Variants in PTBP3 observed in about 807,000 individuals in gnomAD.
PTBP3 encodes polypyrimidine tract binding protein 3.
PTBP3 carries 20 observed loss-of-function variants against 58.7 expected under a neutral mutation model. The observed-to-expected ratio is 0.34, with a 90% CI of 0.24 to 0.50. The LOEUF (loss-of-function observed/expected upper bound fraction) is 0.50, where lower values mean the gene tolerates loss of function less well. Among genes scored for constraint, PTBP3 ranks in the 20% least tolerant of loss-of-function variants. PTBP3 has a pLI of 0.98. For synonymous variants in PTBP3, 185 were observed against 219.8 expected (o/e 0.84, Z 1.40); for missense variants, 509 against 637.2 (o/e 0.80, Z 2.17).
the PTBP3 span, among the ~76,000 whole-genome samples, chr9:112,350,880 C>G: frequency 1.3e-5 from 2 of 152,142 alleles, no homozygotes; most frequent in Non-Finnish European, 1.5e-5. Flanking sequence ...CTCACTGCAA[C>G]CTCCGCCTCC....
intron 1 of PTBP3, chr9:112,333,094 G>A: frequency 7.9e-7 from 1 of 1,265,750 alleles, no homozygotes; most frequent in Non-Finnish European, 9.9e-7. Context: ...CTCCCCCAGC[G>A]CCGCGCACCA....
At chr9:112,332,865 G>A (rs775640299) in intron 1 of PTBP3, 3 of 1,609,622 alleles carry the variant, frequency 1.9e-6, no homozygotes, top group South Asian at 2.2e-5. Context: ...CCAGACCCCT[G>A]GTGTCGAGAA....
chr9:112,262,471 G>A lies in PTBP3; in HGVS notation c.480C>T (p.Asn160=). 1 of 1,609,754 alleles carries A rather than the reference G, an allele frequency of 6.2e-7. No homozygotes were observed. Among genetic ancestry groups the A allele is most frequent in the South Asian group, 1.1e-5 (1 of 90,018 alleles). Residue 160 remains asparagine (N), a synonymous_variant, in exon 5 of 14, where the codon AAC becomes AAT. Transcript: ENST00000374257. ...QSPVLRIIIE[N]LFYPVTLEVL... ...CTTCCAGGGTAACAGGGTAAAAGAG[G>A]TTTTCAATAATTATTCGAAGCACAG...
chr9:112,280,492 A>G (rs1827808448), intron 2 of PTBP3, among the ~76,000 whole-genome samples: 1 of 152,198 alleles, frequency 6.6e-6, no homozygotes, highest in Non-Finnish European at 1.5e-5. Context: ...ATTATCTTAC[A>G]CTATTGAATA....
the PTBP3 span, among the ~76,000 whole-genome samples, chr9:112,351,206 A>G: frequency 6.6e-6 from 1 of 152,334 alleles, no homozygotes; most frequent in South Asian, 2.1e-4. Context: ...ACATTAAGCT[A>G]TCATGTCCTC....
chr9:112,297,720 C>T, intron 2 of PTBP3, 112 bp downstream of exon 2: 1 of 829,850 alleles, frequency 1.2e-6, no homozygotes, highest in Non-Finnish European at 1.8e-6. Flanking sequence ...CAAATTTTAG[C>T]TTTTGTTATG....
chr9:112,324,647 C>CT (rs199638020), intron 1 of PTBP3, among the ~76,000 whole-genome samples: 1,746 of 131,974 alleles, frequency 0.013, 41 homozygotes, highest in African/African-American at 0.043. Context: ...GAGACTACCT[C>CT]TTTTTTTTTT....
In PTBP3 at chr9:112,222,566, C is replaced by T; in HGVS notation, c.*1285G>A. The T allele has an allele frequency of 1.0e-6, 1 of 985,676 alleles. No individual in the cohort carries two copies. The highest frequency in any genetic ancestry group is 1.2e-6 in the Non-Finnish European group (1 of 829,840). 61.1% of individuals were successfully genotyped at this position (985,676 alleles called of 1,614,324 possible). On this transcript the variant is annotated 3_prime_UTR_variant, in exon 14 of 14. Transcript: ENST00000374257. ...ATGTAAAGAGGCCTACAGGTGTGCA[C>T]TGAATTATTCCCAAAACCATTCACC...
chr9:112,295,613 A>AG (rs1421155757), intron 2 of PTBP3, among the ~76,000 whole-genome samples: 9 of 151,428 alleles, frequency 5.9e-5, no homozygotes, highest in African/African-American at 2.2e-4. Context: ...AAAAAAAAAA[A>AG]AAAAAAAAAA....
intron 7 of PTBP3, among the ~76,000 whole-genome samples, chr9:112,249,388 TAGAAACTGTAAAG>T (rs1836013098): frequency 6.6e-6 from 1 of 152,048 alleles, no homozygotes. Flanking sequence ...GACTCAGCCC[TAGAAACTGTAAAG>T]AGAAACCTTT....
At chr9:112,376,198 C>CGT in the PTBP3 span, among the ~76,000 whole-genome samples, 185 of 4,088 alleles carry the variant, frequency 0.045, 3 homozygotes, top group Non-Finnish European at 0.14. Flanking sequence ...TCCTTATATA[C>CGT]GTGTGTGTGT....
chr9:112,278,450 T>C (rs1396675736), intron 2 of PTBP3, among the ~76,000 whole-genome samples: 1 of 152,166 alleles, frequency 6.6e-6, no homozygotes, highest in Non-Finnish European at 1.5e-5. Flanking sequence ...AGAAACTTTC[T>C]AAAGGCATGA....
intron 4 of PTBP3, among the ~76,000 whole-genome samples, chr9:112,267,108 G>C (rs970225922): frequency 6.6e-6 from 1 of 151,212 alleles, no homozygotes; most frequent in African/African-American, 2.4e-5. Context: ...TCTTTGCCTA[G>C]AGCAAGAATA....
the PTBP3 span, among the ~76,000 whole-genome samples, chr9:112,350,811 T>C: frequency 1.3e-5 from 2 of 152,222 alleles, no homozygotes; most frequent in East Asian, 3.8e-4. Flanking sequence ...TTTTTTCTTT[T>C]TTCCTAAGAC....
At chr9:112,250,522 A>G (rs1359173453) in intron 7 of PTBP3, among the ~76,000 whole-genome samples, 1 of 152,202 alleles carries the variant, frequency 6.6e-6, no homozygotes, top group African/African-American at 2.4e-5. Flanking sequence ...ATAAAAGATC[A>G]TACTATTAAT....
At chr9:112,285,215 T>C (rs779284524) in intron 2 of PTBP3, among the ~76,000 whole-genome samples, 37 of 152,134 alleles carry the variant, frequency 2.4e-4, no homozygotes, top group Non-Finnish European at 4.9e-4. Context: ...TCTCACAACA[T>C]GATGGTTATG....
In PTBP3 at chr9:112,222,374, G is replaced by A. The variant is rs981428856; in HGVS notation, c.*1477C>T. 15 of 985,470 alleles carry A rather than the reference G, an allele frequency of 1.5e-5. No individual in the cohort carries two copies. Among genetic ancestry groups the A allele is most frequent in the Admixed American group, 6.2e-5 (1 of 16,248 alleles). 61.0% of individuals were successfully genotyped at this position (985,470 alleles called of 1,614,324 possible). On this transcript the variant is annotated 3_prime_UTR_variant, in exon 14 of 14. Coordinates refer to ENST00000374257, the MANE Select transcript of PTBP3 (RefSeq NM_001163788.4). Reference sequence around the variant, plus strand: ...ACCCACCTTCTCATACTCCAAATACGTGGGTACTCAGTAATGAAAGTCACA... The same window carrying A: ...ACCCACCTTCTCATACTCCAAATACATGGGTACTCAGTAATGAAAGTCACA...
intron 7 of PTBP3, among the ~76,000 whole-genome samples, chr9:112,239,735 A>C (rs1485958474): frequency 6.6e-6 from 1 of 150,932 alleles, no homozygotes; most frequent in East Asian, 1.9e-4. Context: ...ATCTGTTGAA[A>C]GAAAGAAGAG....
intron 2 of PTBP3, among the ~76,000 whole-genome samples, chr9:112,291,964 C>T (rs1219791989): frequency 9.7e-5 from 4 of 41,056 alleles, no homozygotes; most frequent in South Asian, 1.4e-3. Context: ...AAACTACATA[C>T]GTGATGGGGG....
Sources: gnomAD v4.1 joint callset for allele counts (sites outside exome capture counted in the v4.1 genomes callset) on GRCh38, gnomAD v4.1.1 for gene constraint, MANE v1.5 for transcripts, NCBI Gene and HGNC (gene_info 2026-07-23, HGNC 2026-07-21) for gene names.